The following SAP130 variants were observed in gnomAD, a reference collection of about 807,000 sequenced individuals.
The protein encoded by SAP130 is histone deacetylase complex subunit SAP130.
SAP130 carries 16 observed loss-of-function variants against 103.2 expected under a neutral mutation model. The observed-to-expected ratio is 0.16, with a 90% CI of 0.10 to 0.24. The LOEUF is 0.24. SAP130 is among the 10% of genes least tolerant of loss of function. SAP130 has a pLI of 1.00. For missense variants in SAP130, 990 were observed against 1,359.7 expected (o/e 0.73, Z 4.28); for synonymous variants, 477 against 497.0 (o/e 0.96, Z 0.53).
intron 11 of SAP130, among the ~76,000 whole-genome samples, chr2:127,994,589 C>T (rs1430178981): frequency 1.3e-5 from 2 of 152,068 alleles, no homozygotes; most frequent in Non-Finnish European, 2.9e-5. Context: ...GAGACCTCAT[C>T]TCTACAAAAA....
At chr2:128,022,516 AATTTT>A (rs1685228773) in intron 2 of SAP130, among the ~76,000 whole-genome samples, 1 of 152,074 alleles carries the variant, frequency 6.6e-6, no homozygotes. Context: ...GTGTATATTT[AATTTT>A]ATAAGATATT....
chr2:127,962,121 T>C (rs1201374834), intron 15 of SAP130, among the ~76,000 whole-genome samples: 2 of 152,222 alleles, frequency 1.3e-5, no homozygotes, highest in Non-Finnish European at 2.9e-5. Flanking sequence ...ATAAGGGTTA[T>C]AACAGTTTGC....
At chr2:127,991,272 T>C (rs1682780204) in intron 12 of SAP130, among the ~76,000 whole-genome samples, 1 of 152,168 alleles carries the variant, frequency 6.6e-6, no homozygotes, top group African/African-American at 2.4e-5. Context: ...ACAGACCAAA[T>C]TAATTTTGAT....
chr2:128,024,208 G>A (rs751033803), intron 2 of SAP130, among the ~76,000 whole-genome samples: 4 of 152,134 alleles, frequency 2.6e-5, no homozygotes, highest in East Asian at 1.9e-4. Flanking sequence ...GGCCACCCAA[G>A]TGGCTCACAC....
chr2:127,978,107 C>CA lies in SAP130; in HGVS notation c.1959-19dup, dbSNP rs1681604655. 6.5e-7 allele frequency: 1 copy of CA among 1,541,548 alleles called. No individual in the cohort carries two copies. Among genetic ancestry groups the CA allele is most frequent in the African/African-American group, 1.4e-5 (1 of 72,804 alleles). On this transcript the variant is annotated intron_variant, in intron 14 of 20. Coordinates refer to ENST00000643581, the MANE Select transcript of SAP130 (RefSeq NM_001330301.2). ...CTGCCATTCTGAAAGAGACAAGAGA[C>CA]AAACCCGGAGAACAGCAGTCCAAGG...
At chr2:127,971,094 G>GC (rs1681052961) in intron 15 of SAP130, among the ~76,000 whole-genome samples, 1 of 151,860 alleles carries the variant, frequency 6.6e-6, no homozygotes. Context: ...GGGACTACAG[G>GC]CCCATACCAC....
intron 15 of SAP130, among the ~76,000 whole-genome samples, chr2:127,975,587 A>C (rs1464989945): frequency 6.6e-6 from 1 of 152,208 alleles, no homozygotes; most frequent in Non-Finnish European, 1.5e-5. Flanking sequence ...ACAATTATTC[A>C]AGGCTGAAGC....
chr2:127,959,102 C>T (rs1426729602), intron 15 of SAP130, among the ~76,000 whole-genome samples: 1 of 152,062 alleles, frequency 6.6e-6, no homozygotes, highest in Non-Finnish European at 1.5e-5. Context: ...TATATATAAA[C>T]CAAGCACAAC....
rs536918114 is a variant in SAP130 at position 127,967,408 on chromosome 2, T to C, written c.2063+10577A>G. ...TGACAAGAATAGCTGGAGATTTCTT[T>C]TCTTTTTTTGAGACGGAGTCTCGCT... On this transcript the variant is annotated intron_variant, in intron 15 of 20. Transcript: ENST00000643581. 2.5e-3 allele frequency among the ~76,000 whole-genome samples: 379 copies of C among 152,344 alleles called. 3 individuals carry two copies. Among genetic ancestry groups the C allele is most frequent in the African/African-American group, 8.5e-3 (353 of 41,570 alleles).
At chr2:127,970,541 T>TAAAAA (rs70985493) in intron 15 of SAP130, among the ~76,000 whole-genome samples, 5 of 80,000 alleles carry the variant, frequency 6.3e-5, no homozygotes, top group South Asian at 5.1e-4. Context: ...GACTCTGTCT[T>TAAAAA]AAAAAAAAAA....
chr2:128,019,276 A>T (rs905637178), intron 2 of SAP130, among the ~76,000 whole-genome samples: 36 of 138,618 alleles, frequency 2.6e-4, no homozygotes, highest in African/African-American at 8.3e-4. Context: ...ATTAAAAAAA[A>T]TTTTTTTTTT....
chr2:127,959,224 A>G (rs1019084868), intron 15 of SAP130, among the ~76,000 whole-genome samples: 1 of 152,174 alleles, frequency 6.6e-6, no homozygotes, highest in African/African-American at 2.4e-5. Flanking sequence ...TGTCCCGGAC[A>G]GGGCGCTGGA....
rs1386699341 is a variant in SAP130, at chr2:127,955,479, T to A, written c.2064-135A>T. The stretch of plus-strand genomic sequence containing the variant: ...CAATTTATACTCTATTTCCTTTTTT[T>A]AAATTTTTAATTTTAAAAAAATTTT... On this transcript the variant is annotated intron_variant, in intron 15 of 20. Transcript: ENST00000643581. The surrounding 1 kb of genome is among the most constrained non-coding windows in gnomAD (Gnocchi z 4.9). 5.2e-5 allele frequency: 28 copies of A among 540,378 alleles called. No homozygotes were observed. Among genetic ancestry groups the A allele is most frequent in the Middle Eastern group, 4.8e-4 (1 of 2,078 alleles). The allele number at this position is 540,378 out of a possible 1,614,324, so 33.5% of individuals were successfully genotyped here.
At chr2:127,982,743 A>G (rs556756790) in intron 14 of SAP130, among the ~76,000 whole-genome samples, 1 of 152,330 alleles carries the variant, frequency 6.6e-6, no homozygotes, top group East Asian at 1.9e-4. Context: ...TCTGGTTTTG[A>G]CAAAGCGAAG....
In SAP130 at chr2:128,019,120, A is replaced by G. The variant is rs908544315; in HGVS notation, c.113-1205T>C. ...ATCTCAAAAAAAAGAAAAAAAAAAG[A>G]TATTTTAAGTACGGTTCCTAACTTT... is the stretch of plus-strand genomic sequence containing the variant. On this transcript the variant is annotated intron_variant, in intron 2 of 20. Coordinates refer to ENST00000643581, the MANE Select transcript of SAP130 (RefSeq NM_001330301.2). Among the ~76,000 whole-genome samples the G allele has an allele frequency of 5.9e-5, 9 of 152,138 alleles. No individual in the cohort carries two copies. The South Asian group carries it at 1.2e-3, about 21-fold the overall frequency.
At position 128,016,502 on chromosome 2, in the gene SAP130, G is replaced by A. The variant is rs1233764422; in HGVS notation, c.394C>T (p.Pro132Ser). The A allele has an allele frequency of 6.2e-7, 1 of 1,613,988 alleles. No homozygotes were observed. The highest frequency in any genetic ancestry group is 8.5e-7 in the Non-Finnish European group (1 of 1,179,970). Residue 132 changes from proline to serine, a missense_variant, in exon 4 of 21, where the codon CCA (proline) becomes TCA (serine). Pro to Ser is a moderately conservative substitution (Grantham distance 74, BLOSUM62 -1). Coordinates refer to ENST00000643581, the MANE Select transcript of SAP130 (RefSeq NM_001330301.2). ...TMPSRPIAPA[P>S]PSTLSLPPKV... ...GGGGGAAGTGACAGGGTAGAAGGTG[G>A]AGCAGGAGCAATGGGACGGCTAGGC... is the stretch of plus-strand genomic sequence containing the variant.
At chr2:127,995,429 T>TA (rs1559079439) in intron 11 of SAP130, among the ~76,000 whole-genome samples, 1 of 152,090 alleles carries the variant, frequency 6.6e-6, no homozygotes, top group African/African-American at 2.4e-5. Context: ...AGCACCAAAA[T>TA]AGATGACAGC....
At chr2:128,017,968 T>C (rs1684892737) in intron 2 of SAP130, 53 bp from the exon 3 acceptor site, 19 of 1,431,634 alleles carry the variant, frequency 1.3e-5, no homozygotes, top group Non-Finnish European at 1.8e-5. Context: ...CAGTGTAAGA[T>C]AGCAGCACAG....
Position 128,013,153 on chromosome 2 carries a change from A to G in SAP130, c.621T>C (p.Gly207=). Residue 207 remains glycine, a splice_region_variant and synonymous_variant, in exon 6 of 21, where the codon GGT becomes GGC. Coordinates refer to ENST00000643581, the MANE Select transcript of SAP130 (RefSeq NM_001330301.2). The part of the protein sequence containing the change: ...LHIGASHLPR[G]AAAAAVMSSS... ...TGGACATCACAGCAGCAGCAGCTGC[A>G]CCTGAAAAAAAAAAAGTGTTTATTA... 1 of 1,591,500 alleles carries G rather than the reference A, an allele frequency of 6.3e-7. No individual in the cohort carries two copies. Among genetic ancestry groups the G allele is most frequent in the South Asian group, 1.2e-5 (1 of 86,622 alleles).
Sources: gnomAD v4.1 joint callset for allele counts (sites outside exome capture counted in the v4.1 genomes callset) on GRCh38, gnomAD v4.1.1 for gene constraint, Gnocchi (gnomAD v3.1) non-coding constraint, MANE v1.5 for transcripts, NCBI Gene and HGNC (gene_info 2026-07-23, HGNC 2026-07-21) for gene names.